The following NCAM2 variants were observed in gnomAD, a reference collection of about 807,000 sequenced individuals.
The protein encoded by NCAM2 is N-CAM-2.
Under a neutral mutation model 98.1 loss-of-function variants are expected in NCAM2, and 30 were observed. The observed-to-expected ratio is 0.31, with a 90% CI of 0.23 to 0.41. The LOEUF (loss-of-function observed/expected upper bound fraction) is 0.41. Among genes scored for constraint, NCAM2 ranks in the 10% least tolerant of loss-of-function variants. The probability of loss-of-function intolerance (pLI) is 1.00; values close to 1 mark genes in which losing one functional copy is unlikely to be tolerated. For synonymous variants in NCAM2, 368 were observed against 342.4 expected, an observed-to-expected ratio of 1.07 and a Z score of -0.83; for missense variants, 867 against 1,005.8, an observed-to-expected ratio of 0.86 and a Z score of 1.87.
intron 15 of NCAM2, among the ~76,000 whole-genome samples, chr21:21,491,697 G>C (rs144465515): frequency 7.3e-5 from 11 of 151,514 alleles, no homozygotes; most frequent in African/African-American, 2.7e-4. Context: ...CAGGATTTTG[G>C]ATTGTTTTGG....
intron 15 of NCAM2, among the ~76,000 whole-genome samples, chr21:21,500,708 GAAGTCTATCA>G (rs1987572506): frequency 6.6e-6 from 1 of 152,022 alleles, no homozygotes; most frequent in South Asian, 2.1e-4. Flanking sequence ...TTAACTGAGA[GAAGTCTATCA>G]AAGTCCAAAC....
At chr21:21,222,218 G>A (rs2070198744) in intron 1 of NCAM2, among the ~76,000 whole-genome samples, 1 of 152,140 alleles carries the variant, frequency 6.6e-6, no homozygotes. Context: ...GAGCTCTGAT[G>A]CAGATGTACA....
chr21:21,459,530 A>C (rs1982651221), intron 12 of NCAM2, among the ~76,000 whole-genome samples: 1 of 148,320 alleles, frequency 6.7e-6, no homozygotes, highest in Non-Finnish European at 1.5e-5. Flanking sequence ...TATTATATAT[A>C]ATATTGTTTA....
intron 9 of NCAM2, among the ~76,000 whole-genome samples, chr21:21,381,849 T>C (rs1409243700): frequency 6.6e-6 from 1 of 152,178 alleles, no homozygotes; most frequent in Non-Finnish European, 1.5e-5. Flanking sequence ...TTTTTTCATC[T>C]GAAGAAGTTT....
chr21:21,518,409 G>A (rs1988830383), intron 16 of NCAM2, among the ~76,000 whole-genome samples: 1 of 152,078 alleles, frequency 6.6e-6, no homozygotes, highest in Admixed American at 6.6e-5. Flanking sequence ...CACACTAAAT[G>A]AGATACAAAT....
intron 11 of NCAM2, among the ~76,000 whole-genome samples, chr21:21,426,242 C>T (rs2077211506): frequency 6.6e-6 from 1 of 152,056 alleles, no homozygotes; most frequent in Non-Finnish European, 1.5e-5. Context: ...GTATATAAAA[C>T]CTTATAGAAG....
chr21:21,085,042 T>C (rs1311396898), intron 1 of NCAM2, among the ~76,000 whole-genome samples: 1 of 152,152 alleles, frequency 6.6e-6, no homozygotes, highest in African/African-American at 2.4e-5. Context: ...CTTCAGTCAA[T>C]GGGTCAACTT....
At chr21:21,297,871 T>C (rs2073549687) in intron 5 of NCAM2, among the ~76,000 whole-genome samples, 1 of 151,838 alleles carries the variant, frequency 6.6e-6, no homozygotes, top group Non-Finnish European at 1.5e-5. Flanking sequence ...TGTAAATTTG[T>C]AAAGAGTGAT....
chr21:21,208,752 G>T (rs926870025), intron 1 of NCAM2, among the ~76,000 whole-genome samples: 2 of 152,042 alleles, frequency 1.3e-5, no homozygotes, highest in Non-Finnish European at 2.9e-5. Flanking sequence ...AATCACCACA[G>T]AAAAATAAGT....
intron 17 of NCAM2, among the ~76,000 whole-genome samples, chr21:21,536,652 A>T (rs542494685): frequency 1.2e-4 from 19 of 152,236 alleles, no homozygotes; most frequent in African/African-American, 4.6e-4. Flanking sequence ...GGCCTCCCAA[A>T]GTGCTAGGAT....
intron 1 of NCAM2, among the ~76,000 whole-genome samples, chr21:21,162,451 T>C (rs2067814096): frequency 6.6e-6 from 1 of 152,140 alleles, no homozygotes; most frequent in African/African-American, 2.4e-5. Context: ...GCAGTTGTGC[T>C]TAAAACTTTG....
intron 1 of NCAM2, among the ~76,000 whole-genome samples, chr21:21,266,820 T>C (rs562092528): frequency 2.6e-5 from 4 of 152,178 alleles, no homozygotes; most frequent in African/African-American, 7.2e-5. Flanking sequence ...TGTATACATA[T>C]GCAACAAACC....
intron 1 of NCAM2, among the ~76,000 whole-genome samples, chr21:21,017,520 CCGATGAGGCAA>C (rs1260097804): frequency 2.0e-5 from 3 of 150,116 alleles, no homozygotes; most frequent in Non-Finnish European, 3.0e-5. Context: ...TTGAAATGGA[CCGATGAGGCAA>C]GTTATATATC....
In NCAM2 at chr21:21,337,819, T is replaced by A. The variant is rs796454028; in HGVS notation, c.899-570T>A. ...AAAATAAATCAAGTGGAATAATATATATAAGTAAAGTAAATATATTTACTT... is the reference window on the plus strand; with the variant it reads ...AAAATAAATCAAGTGGAATAATATAAATAAGTAAAGTAAATATATTTACTT... On this transcript the variant is annotated intron_variant, in intron 7 of 17. Coordinates refer to ENST00000400546, the MANE Select transcript of NCAM2 (RefSeq NM_004540.5). Among the ~76,000 whole-genome samples the A allele has an allele frequency of 7.9e-5, 12 of 152,134 alleles. No homozygotes were observed. In the South Asian group the frequency reaches 1.2e-3, roughly 16 times the overall value.
chr21:21,242,048 A>G (rs2071085238), intron 1 of NCAM2, among the ~76,000 whole-genome samples: 2 of 152,190 alleles, frequency 1.3e-5, no homozygotes, highest in Non-Finnish European at 1.5e-5. Flanking sequence ...CCATTACACT[A>G]AAATTGTCAA....
At chr21:21,506,438 C>A (rs1987982483) in intron 15 of NCAM2, among the ~76,000 whole-genome samples, 1 of 151,766 alleles carries the variant, frequency 6.6e-6, no homozygotes, top group Non-Finnish European at 1.5e-5. Flanking sequence ...AAAATATATA[C>A]CATGATTTTT....
rs115448940 is a variant in NCAM2 at position 21,135,453 on chromosome 21, G to A, written c.55+136835G>A. On this transcript the variant is annotated intron_variant, in intron 1 of 17. Transcript: ENST00000400546. Reference sequence around the variant, plus strand: ...CGGTAGGTGCCAAATAATATTATTCGAGTTTTTGCTCTGAAACACCTCGAT... The same window carrying A: ...CGGTAGGTGCCAAATAATATTATTCAAGTTTTTGCTCTGAAACACCTCGAT... Among the ~76,000 whole-genome samples the A allele has an allele frequency of 2.4e-3, 362 of 152,210 alleles. 2 individuals are homozygous for A. Among genetic ancestry groups the A allele is most frequent in the African/African-American group, 8.4e-3 (350 of 41,522 alleles).
At chr21:21,229,719 A>T (rs1201590214) in intron 1 of NCAM2, among the ~76,000 whole-genome samples, 1 of 151,362 alleles carries the variant, frequency 6.6e-6, no homozygotes, top group Admixed American at 6.6e-5. Flanking sequence ...TTGTATGTGA[A>T]TCTAGTCCCT....
chr21:21,191,539 A>G (rs1351734336), intron 1 of NCAM2, among the ~76,000 whole-genome samples: 2 of 152,334 alleles, frequency 1.3e-5, no homozygotes, highest in South Asian at 4.1e-4. Flanking sequence ...TAGTTTACAT[A>G]CATACAAAAC....
Sources: allele counts gnomAD v4.1 joint callset (sites outside exome capture counted in the v4.1 genomes callset), GRCh38; gene constraint gnomAD v4.1.1; transcripts MANE v1.5; gene names NCBI Gene and HGNC (gene_info 2026-07-23, HGNC 2026-07-21).